STK36: variants seen among roughly 807,000 people sequenced by gnomAD.
STK36 encodes serine/threonine-protein kinase 36.
A neutral mutation model predicts 142.2 loss-of-function variants in STK36; 116 were observed. The observed-to-expected ratio is 0.82, with a 90% CI of 0.70 to 0.95. The LOEUF is 0.95. Among genes scored for constraint, STK36 ranks in the 40% least tolerant of loss-of-function variants. The probability of loss-of-function intolerance (pLI) is 0.00; values close to 1 mark genes in which losing one functional copy is unlikely to be tolerated. For synonymous variants in STK36, 619 were observed against 641.7 expected, an observed-to-expected ratio of 0.96 and a Z score of 0.53; for missense variants, 1,422 against 1,617.2, an observed-to-expected ratio of 0.88 and a Z score of 2.07.
At position 218,694,525 on chromosome 2, in the gene STK36, A is replaced by G; in HGVS notation, c.2401A>G (p.Ser801Gly). 8 of 1,613,942 alleles carry G rather than the reference A, an allele frequency of 5.0e-6. No homozygotes were observed. The highest frequency in any genetic ancestry group is 6.8e-6 in the Non-Finnish European group (8 of 1,179,814). ...TTCTCCTCTTTTACCTCTCCCACAG[A>G]GTGCAGCAGCCTGTCTATTGGGACA... ...FTHSHVVSLV[S>G]AAACLLGQLG... The change falls in exon 21 of 27, where the codon AGT (serine) becomes GGT (glycine). Residue 801 changes from serine (S) to glycine (G), a missense_variant and splice_region_variant. By Grantham distance (56) the Ser-to-Gly change is moderately conservative. Coordinates refer to ENST00000295709, the MANE Select transcript of STK36 (RefSeq NM_015690.5). The surrounding 1 kb of genome is among the most constrained non-coding windows in gnomAD (Gnocchi z 4.4).
chr2:218,698,047 C>A (rs764457118), intron 25 of STK36, 46 bp downstream of exon 25: 2 of 1,610,978 alleles, frequency 1.2e-6, no homozygotes, highest in Admixed American at 1.7e-5. Context: ...GATAGCCAAC[C>A]TTGTATCCTC....
At chr2:218,686,653 C>G (rs920818613) in intron 11 of STK36, among the ~76,000 whole-genome samples, 8 of 152,282 alleles carry the variant, frequency 5.3e-5, no homozygotes, top group South Asian at 2.1e-4. Flanking sequence ...TTTATCCACT[C>G]ACTAGTTGAT....
chr2:218,673,896 CTA>C lies in STK36; in HGVS notation c.245_246del (p.Tyr82CysfsTer2). 1 of 1,614,148 alleles carries C rather than the reference CTA, an allele frequency of 6.2e-7. No individual in the cohort carries two copies. Among genetic ancestry groups the C allele is most frequent in the Non-Finnish European group, 8.5e-7 (1 of 1,180,038 alleles). ...CTCTGTAGGTGGTGGTGGTGACAGA[CTA>C]TGCTGAGGGAGAGCTCTTTCAGATC... ...TDKEVVVVTD[Y>X]AEGELFQILE... On this transcript the variant is annotated frameshift_variant, in exon 4 of 27. Transcript: ENST00000295709. LOFTEE classifies it high-confidence loss of function.
intron 3 of STK36, 53 bp from the exon 4 acceptor site, chr2:218,673,826 A>G (rs955489906): frequency 1.2e-6 from 2 of 1,613,760 alleles, no homozygotes; most frequent in East Asian, 2.2e-5. Context: ...GAATTTCCCA[A>G]CCTCAGAATG....
At chr2:218,690,366 C>G in intron 13 of STK36, 84 bp from the exon 14 acceptor site, 1 of 1,099,164 alleles carries the variant, frequency 9.1e-7, no homozygotes, top group Non-Finnish European at 1.4e-6. Flanking sequence ...AGAGATTCTC[C>G]TACCTGCCCA....
At chr2:218,692,791 G>T in intron 16 of STK36, 81 bp downstream of exon 16, 1 of 1,501,416 alleles carries the variant, frequency 6.7e-7, no homozygotes, top group South Asian at 1.3e-5. Flanking sequence ...CAGAAAGGCA[G>T]AAAAACAAGC....
In STK36 at chr2:218,680,585, C is replaced by G. The variant is rs191884676; in HGVS notation, c.1137-18C>G. The G allele has an allele frequency of 1.1e-4, 172 of 1,605,010 alleles. No homozygotes were observed. The African/African-American group carries it at 2.1e-3, about 20-fold the overall frequency. On this transcript the variant is annotated intron_variant, in intron 9 of 26. Coordinates refer to ENST00000295709, the MANE Select transcript of STK36 (RefSeq NM_015690.5). ...CATAGGTTTGGAACCCGTTCTACCC[C>G]TTGGCTTCCTCCGGCAGGGAAAACC...
intron 10 of STK36, among the ~76,000 whole-genome samples, chr2:218,683,051 A>G (rs183746886): frequency 2.0e-5 from 3 of 152,254 alleles, no homozygotes; most frequent in East Asian, 1.9e-4. Flanking sequence ...TTCAGGTTGT[A>G]TATATTTTTG....
At position 218,692,673 on chromosome 2, in the gene STK36, C is replaced by T. The variant is rs775271105; in HGVS notation, c.2006C>T (p.Pro669Leu). 6.2e-7 allele frequency: 1 copy of T among 1,613,512 alleles called. No individual in the cohort carries two copies. Residue 669 changes from proline (P) to leucine (L), a missense_variant, in exon 16 of 27, where the codon CCT becomes CTT. Pro to Leu is a moderately conservative substitution (Grantham distance 98). Transcript: ENST00000295709. ...GCCCTGGCAGCCATATGCACTGCTCCTGTGGGACTGCCCGACTGCTGGGAT... is the reference window on the plus strand; with the variant it reads ...GCCCTGGCAGCCATATGCACTGCTCTTGTGGGACTGCCCGACTGCTGGGAT... ...SSALAAICTAPVGLPDCWDAK... is the reference protein window; with the variant it reads ...SSALAAICTALVGLPDCWDAK...
In STK36 at chr2:218,672,898, A is replaced by C. The variant is rs143209773; in HGVS notation, c.69A>C (p.Arg23Ser). Residue 23 changes from arginine (R) to serine (S), a missense_variant, in exon 2 of 27, where the codon AGA (arginine) becomes AGC (serine). This residue lies in a region of STK36 where 460 missense variants were observed against 449.6 expected (regional missense o/e 1.02). Coordinates refer to ENST00000295709, the MANE Select transcript of STK36 (RefSeq NM_015690.5). ...TTGGGAGGGTGTACAAGGGTCGAAG[A>C]AAATACAGTGCTCAGGTGTTGCACA... The part of the protein sequence containing the change: ...GSFGRVYKGR[R>S]KYSAQVVALK... 3 of 1,614,018 alleles carry C rather than the reference A, an allele frequency of 1.9e-6. No homozygotes were observed. The African/African-American group carries it at 4.0e-5, about 22-fold the overall frequency.
Position 218,702,295 on chromosome 2 carries a change from G to C in STK36, c.*286G>C. 1 of 270,290 alleles carries C rather than the reference G, an allele frequency of 3.7e-6. No individual in the cohort carries two copies. Among genetic ancestry groups the C allele is most frequent in the Non-Finnish European group, 6.9e-6 (1 of 145,008 alleles). The allele number at this position is 270,290 out of a possible 1,614,324, so 16.7% of individuals were successfully genotyped here. ...CCAATAATGTGCCTTTAACTCTAGG[G>C]ACCTGCCTCACGGACCTTAGGGAAA... On this transcript the variant is annotated 3_prime_UTR_variant, in exon 27 of 27. Coordinates refer to ENST00000295709, the MANE Select transcript of STK36 (RefSeq NM_015690.5).
At position 218,689,861 on chromosome 2, in the gene STK36, A is replaced by G. The variant is rs151235623; in HGVS notation, c.1563A>G (p.Gln521=). 56 of 1,608,920 alleles carry G rather than the reference A, an allele frequency of 3.5e-5. 1 individual carries two copies. Among genetic ancestry groups the G allele is most frequent in the South Asian group, 5.6e-5 (5 of 89,816 alleles). The change falls in exon 13 of 27, where the codon CAA becomes CAG. Residue 521 remains glutamine (Q), a splice_region_variant and synonymous_variant. Coordinates refer to ENST00000295709, the MANE Select transcript of STK36 (RefSeq NM_015690.5). ...HSQESNSLQQ[Q]SWYGTFLQDL... ...TCTCTTCTCCTTTTCCTGGGCAGCA[A>G]TCTTGGTATGGGACCTTCTTACAGG... is the stretch of plus-strand genomic sequence containing the variant.
At chr2:218,686,726 AT>A (rs1339861449) in intron 11 of STK36, among the ~76,000 whole-genome samples, 1 of 152,226 alleles carries the variant, frequency 6.6e-6, no homozygotes, top group East Asian at 1.9e-4. Flanking sequence ...TGCTATGAAC[AT>A]TCACAAGCAA....
chr2:218,693,651 T>A (rs1374223845), intron 17 of STK36, 72 bp from the exon 18 acceptor site: 11 of 1,411,892 alleles, frequency 7.8e-6, no homozygotes. Context: ...GGCCGGTGTT[T>A]CCGCTGAGCC....
chr2:218,699,578 G>A (rs2106368253), intron 26 of STK36, among the ~76,000 whole-genome samples: 1 of 152,260 alleles, frequency 6.6e-6, no homozygotes, highest in South Asian at 2.1e-4. Context: ...AGATCTCAAG[G>A]ACCACAGTTG....
intron 13 of STK36, among the ~76,000 whole-genome samples, 191 bp from the exon 14 acceptor site, chr2:218,690,259 C>A (rs531707675): frequency 6.6e-6 from 1 of 151,988 alleles, no homozygotes; most frequent in Non-Finnish European, 1.5e-5. Context: ...AAAAAATATG[C>A]GAATAACCTA....
chr2:218,686,883 G>A (rs974870080), intron 11 of STK36, among the ~76,000 whole-genome samples: 6 of 152,160 alleles, frequency 3.9e-5, no homozygotes, highest in African/African-American at 1.4e-4. Flanking sequence ...ATTCCCACCA[G>A]TATTATATGA....
At chr2:218,675,904 G>A in intron 5 of STK36, 125 bp from the exon 6 acceptor site, 1 of 1,238,182 alleles carries the variant, frequency 8.1e-7, no homozygotes, top group Non-Finnish European at 1.1e-6. Flanking sequence ...ACTGCTGCTG[G>A]GTCTTCTGGA....
intron 21 of STK36, among the ~76,000 whole-genome samples, chr2:218,695,222 C>CTTTTTTTT (rs531122836): frequency 1.1e-4 from 10 of 88,116 alleles, no homozygotes; most frequent in Non-Finnish European, 1.9e-4. Flanking sequence ...ATTGTCATCC[C>CTTTTTTTT]TTTTTTTTTT....
Sources: allele counts gnomAD v4.1 joint callset (sites outside exome capture counted in the v4.1 genomes callset), GRCh38; gene constraint gnomAD v4.1.1; regional missense constraint gnomAD v4.1.1; non-coding constraint Gnocchi (gnomAD v3.1); transcripts MANE v1.5; gene names NCBI Gene and HGNC (gene_info 2026-07-23, HGNC 2026-07-21).